PALS2: variants seen among roughly 807,000 people sequenced by gnomAD.
PALS2 encodes the protein protein PALS2.
Under a neutral mutation model 61.6 loss-of-function variants are expected in PALS2, and 27 were observed. The observed-to-expected ratio is 0.44, with a 90% CI of 0.32 to 0.60. The LOEUF is 0.60. PALS2 is among the 20% of genes least tolerant of loss of function. The pLI is 0.05. For missense variants in PALS2, 554 were observed against 639.4 expected, an observed-to-expected ratio of 0.87 and a Z score of 1.44; for synonymous variants, 236 against 218.6, an observed-to-expected ratio of 1.08 and a Z score of -0.70.
intron 5 of PALS2, among the ~76,000 whole-genome samples, chr7:24,658,455 T>G (rs1330124121): frequency 6.6e-6 from 1 of 152,188 alleles, no homozygotes; most frequent in Non-Finnish European, 1.5e-5. Context: ...ATTTCCTCCC[T>G]CTTTGCGTGC....
chr7:24,600,674 A>T (rs1783688220), intron 1 of PALS2, among the ~76,000 whole-genome samples: 1 of 152,106 alleles, frequency 6.6e-6, no homozygotes, highest in South Asian at 2.1e-4. Flanking sequence ...CCATTTAACT[A>T]TTTTTTATAG....
chr7:24,591,251 C>CT (rs957582377), intron 1 of PALS2, among the ~76,000 whole-genome samples: 2 of 152,036 alleles, frequency 1.3e-5, no homozygotes, highest in Admixed American at 1.3e-4. Flanking sequence ...TTCCATTTAA[C>CT]TGTCATTTTA....
At chr7:24,677,545 C>T (rs923454699) in intron 9 of PALS2, among the ~76,000 whole-genome samples, 1 of 151,856 alleles carries the variant, frequency 6.6e-6, no homozygotes, top group African/African-American at 2.4e-5. Flanking sequence ...AGATACGTCC[C>T]ATCAATACCT....
Position 24,680,466 on chromosome 7 carries a change from A to G in PALS2, c.1392A>G (p.Leu464=), listed in dbSNP as rs373997333. 2.5e-6 allele frequency: 4 copies of G among 1,614,108 alleles called. No homozygotes were observed. In the African/African-American group the frequency reaches 4.0e-5, roughly 16 times the overall value. The change falls in exon 11 of 12, where the codon TTA becomes TTG. Residue 464 remains leucine, a synonymous_variant. Transcript: ENST00000222644. ...TTGCGGCTCCGGAGCTAGAGACGTT[A>G]CGTGCCATGCACAAGGCTGTGGTGG... ...VFIAAPELET[L]RAMHKAVVDA...
Position 24,649,723 on chromosome 7 carries a change from A to G in PALS2, c.382A>G (p.Ile128Val). 6.2e-7 allele frequency: 1 copy of G among 1,610,858 alleles called. No individual in the cohort carries two copies. The highest frequency in any genetic ancestry group is 8.5e-7 in the Non-Finnish European group (1 of 1,178,550). The change falls in exon 4 of 12, where the codon ATT (isoleucine) becomes GTT (valine). Residue 128 changes from isoleucine (I) to valine (V), a missense_variant. Coordinates refer to ENST00000222644, the MANE Select transcript of PALS2 (RefSeq NM_001303037.2). ...TAATCAGTTATTACCAGTAGATGCCATTCGTATTCTTGGTATTCACAAAAG... is the reference window on the plus strand; with the variant it reads ...TAATCAGTTATTACCAGTAGATGCCGTTCGTATTCTTGGTATTCACAAAAG... ...INNQLLPVDA[I>V]RILGIHKRAG...
intron 1 of PALS2, among the ~76,000 whole-genome samples, chr7:24,588,765 A>G (rs540470785): frequency 6.6e-6 from 1 of 152,346 alleles, no homozygotes; most frequent in Admixed American, 6.5e-5. Context: ...GAATGAAACA[A>G]GGTTTGCAAG....
chr7:24,648,990 A>T (rs1785996240), intron 3 of PALS2, among the ~76,000 whole-genome samples: 1 of 142,708 alleles, frequency 7.0e-6, no homozygotes, highest in Admixed American at 6.7e-5. Context: ...TATAGGAGGT[A>T]AAAAAAATAC....
Position 24,573,755 on chromosome 7 carries a change from G to A in PALS2, c.-3+162G>A, listed in dbSNP as rs1322789127. On this transcript the variant is annotated intron_variant, in intron 1 of 11. Transcript: ENST00000222644. This position sits in a 1 kb window ranked among gnomAD's most constrained non-coding sequence, Gnocchi z 5.3. ...CGGCGGGCGCGGGGAAGAGGGACCG[G>A]CAGGCGGCGGCGGCGGCGCCGCGGT... is the stretch of plus-strand genomic sequence containing the variant. Among the ~76,000 whole-genome samples the A allele has an allele frequency of 5.5e-5, 8 of 145,546 alleles. No homozygotes were observed. The highest frequency in any genetic ancestry group is 1.2e-4 in the Non-Finnish European group (8 of 65,352).
In PALS2 at chr7:24,641,884, A is replaced by G. The variant is rs1785575774; in HGVS notation, c.270+16A>G. ...TCACTTCCAGGTAACTTTCCCTATC[A>G]CTCAACTCTCAAGTTCCCTGTATTC... On this transcript the variant is annotated intron_variant, in intron 3 of 11. Coordinates refer to ENST00000222644, the MANE Select transcript of PALS2 (RefSeq NM_001303037.2). 1 of 1,608,480 alleles carries G rather than the reference A, an allele frequency of 6.2e-7. No homozygotes were observed. The highest frequency in any genetic ancestry group is 2.2e-5 in the East Asian group (1 of 44,636).
chr7:24,589,209 T>C (rs1370598144), intron 1 of PALS2: 1 of 152,154 alleles, frequency 6.6e-6, no homozygotes, highest in East Asian at 1.9e-4. Context: ...CCTGTACAGG[T>C]GTTTCATTAA....
At chr7:24,653,151 A>G (rs1270872513) in intron 5 of PALS2, among the ~76,000 whole-genome samples, 1 of 152,188 alleles carries the variant, frequency 6.6e-6, no homozygotes, top group Non-Finnish European at 1.5e-5. Context: ...AAAATTCTCA[A>G]CAAAATATTA....
intron 2 of PALS2, among the ~76,000 whole-genome samples, chr7:24,636,420 A>T (rs571698030): frequency 1.6e-4 from 24 of 152,248 alleles, no homozygotes; most frequent in Non-Finnish European, 8.8e-5. Flanking sequence ...TGTACTTCTG[A>T]GTGAAGTTGT....
At chr7:24,626,939 C>A (rs146034607) in intron 2 of PALS2, among the ~76,000 whole-genome samples, 1 of 152,152 alleles carries the variant, frequency 6.6e-6, no homozygotes, top group African/African-American at 2.4e-5. Flanking sequence ...TAACACCCCA[C>A]CGTCAATATT....
chr7:24,640,935 G>C (rs1324122490), intron 2 of PALS2, among the ~76,000 whole-genome samples: 1 of 149,492 alleles, frequency 6.7e-6, no homozygotes, highest in East Asian at 2.0e-4. Flanking sequence ...GTGAACCCGG[G>C]AGGCGGAGCT....
In PALS2 at chr7:24,634,327, T is replaced by C. The variant is rs537512325; in HGVS notation, c.118-7389T>C. On this transcript the variant is annotated intron_variant, in intron 2 of 11. Transcript: ENST00000222644. ...CCCACTGCAAGCTCTGCCTTCTGGG[T>C]TCATGCCATTCTCCTGCTTCAGCCT... Among the ~76,000 whole-genome samples, 8 of 152,204 alleles carry C rather than the reference T, an allele frequency of 5.3e-5. No individual in the cohort carries two copies. In the East Asian group the frequency reaches 1.4e-3, roughly 26 times the overall value.
intron 1 of PALS2, chr7:24,574,273 T>C (rs1782566018): frequency 6.6e-6 from 1 of 152,268 alleles, no homozygotes; most frequent in South Asian, 2.1e-4. Context: ...TGCTCGCGGA[T>C]TCTCGGTACG....
At chr7:24,662,611 A>T (rs1367689309) in intron 5 of PALS2, among the ~76,000 whole-genome samples, 1 of 152,052 alleles carries the variant, frequency 6.6e-6, no homozygotes, top group Middle Eastern at 3.2e-3. Flanking sequence ...TCTACTAAAA[A>T]TACAAAAATT....
chr7:24,663,729 T>G lies in PALS2; in HGVS notation c.783+8T>G. ...GATCCAAATTGGTGGCAGGTTAGTA[T>G]GCTTCTCAGAAGTTCCTCAGCTACT... On this transcript the variant is annotated splice_region_variant and intron_variant, in intron 6 of 11. Coordinates refer to ENST00000222644, the MANE Select transcript of PALS2 (RefSeq NM_001303037.2). The G allele has an allele frequency of 6.2e-7, 1 of 1,607,684 alleles. No homozygotes were observed. The highest frequency in any genetic ancestry group is 8.5e-7 in the Non-Finnish European group (1 of 1,175,232).
chr7:24,676,219 G>T (rs1787580606), intron 9 of PALS2, among the ~76,000 whole-genome samples: 3 of 152,050 alleles, frequency 2.0e-5, no homozygotes, highest in Admixed American at 1.3e-4. Context: ...TTTTGATGGG[G>T]TTGTTTGTTT....
Sources: gnomAD v4.1 joint callset for allele counts (sites outside exome capture counted in the v4.1 genomes callset) on GRCh38, gnomAD v4.1.1 for gene constraint, Gnocchi (gnomAD v3.1) non-coding constraint, MANE v1.5 for transcripts, NCBI Gene and HGNC (gene_info 2026-07-23, HGNC 2026-07-21) for gene names.